The following SEZ6L variants were observed in gnomAD, a reference collection of about 807,000 sequenced individuals.
SEZ6L encodes seizure 6-like protein.
A neutral mutation model predicts 106.2 loss-of-function variants in SEZ6L; 37 were observed. The ratio of observed to expected loss-of-function variants is 0.35; its 90% CI spans 0.27 to 0.46. SEZ6L has a LOEUF of 0.46. Ranked by LOEUF, SEZ6L falls within the 20% of genes least tolerant of loss-of-function variation. The probability of loss-of-function intolerance (pLI) is 1.00; values close to 1 mark genes in which losing one functional copy is unlikely to be tolerated. For synonymous variants in SEZ6L, 541 were observed against 570.4 expected (o/e 0.95, Z 0.73); for missense variants, 1,172 against 1,332.8 (o/e 0.88, Z 1.88).
intron 12 of SEZ6L, among the ~76,000 whole-genome samples, chr22:26,354,342 A>T (rs1489290156): frequency 6.6e-6 from 1 of 152,124 alleles, no homozygotes; most frequent in Non-Finnish European, 1.5e-5. Flanking sequence ...TGACAGAGGG[A>T]GAGATTAGAG....
chr22:26,298,869 G>A, intron 4 of SEZ6L, 115 bp from the exon 5 acceptor site: 1 of 891,542 alleles, frequency 1.1e-6, no homozygotes, highest in Non-Finnish European at 1.6e-6. Flanking sequence ...GAGCTCTGGA[G>A]TCCCCAGGGG....
chr22:26,195,789 G>GTATA (rs144860970), intron 1 of SEZ6L, among the ~76,000 whole-genome samples: 5 of 149,390 alleles, frequency 3.3e-5, no homozygotes, highest in African/African-American at 1.2e-4. Context: ...TATAGTGTGT[G>GTATA]TATATATATA....
intron 1 of SEZ6L, among the ~76,000 whole-genome samples, chr22:26,253,388 T>C (rs1331128552): frequency 1.3e-5 from 2 of 152,142 alleles, no homozygotes; most frequent in African/African-American, 4.8e-5. Context: ...TGATATTTAG[T>C]TGGTTTTTTT....
At chr22:26,284,182 C>T (rs879088537) in intron 1 of SEZ6L, among the ~76,000 whole-genome samples, 9 of 152,208 alleles carry the variant, frequency 5.9e-5, no homozygotes, top group South Asian at 4.1e-4. Flanking sequence ...AGTGTCTTAC[C>T]GGCAGTAACA....
In SEZ6L at chr22:26,292,869, G is replaced by A; in HGVS notation, c.558G>A (p.Leu186=). 6.2e-7 allele frequency: 1 copy of A among 1,614,162 alleles called. No homozygotes were observed. The highest frequency in any genetic ancestry group is 1.1e-5 in the South Asian group (1 of 91,084). Reference sequence around the variant, plus strand: ...AGGCATCAGAAGTGCCCCTTTGGCTGGACCGAAAGGAGAGTGCGGTCCCTA... The same window carrying A: ...AGGCATCAGAAGTGCCCCTTTGGCTAGACCGAAAGGAGAGTGCGGTCCCTA... ...SEEASEVPLW[L]DRKESAVPTT... The change falls in exon 2 of 17, where the codon CTG becomes CTA. Residue 186 remains leucine (L), a synonymous_variant. Transcript: ENST00000248933.
At chr22:26,233,101 T>C (rs754003679) in intron 1 of SEZ6L, among the ~76,000 whole-genome samples, 2 of 152,270 alleles carry the variant, frequency 1.3e-5, no homozygotes, top group Non-Finnish European at 2.9e-5. Context: ...AGTAATAGAT[T>C]TAAACAAAGT....
intron 5 of SEZ6L, 102 bp from the exon 6 acceptor site, chr22:26,305,877 C>A: frequency 2.4e-6 from 3 of 1,246,480 alleles, no homozygotes; most frequent in Non-Finnish European, 3.3e-6. Flanking sequence ...GAGAATGAAA[C>A]ACTCACTTCC....
intron 1 of SEZ6L, among the ~76,000 whole-genome samples, chr22:26,264,779 T>G (rs2080123568): frequency 6.6e-6 from 1 of 152,220 alleles, no homozygotes; most frequent in Non-Finnish European, 1.5e-5. Context: ...GCCAGTGGGC[T>G]GTAGTTTGCC....
intron 10 of SEZ6L, 62 bp from the exon 11 acceptor site, chr22:26,347,656 TA>T: frequency 2.1e-6 from 3 of 1,423,180 alleles, no homozygotes; most frequent in South Asian, 1.3e-5. Flanking sequence ...CTAGCCGTCA[TA>T]AAAGGAGGCC....
intron 5 of SEZ6L, among the ~76,000 whole-genome samples, chr22:26,301,735 G>T (rs1272395253): frequency 6.6e-6 from 1 of 152,090 alleles, no homozygotes; most frequent in Non-Finnish European, 1.5e-5. Context: ...GGAAAATGGG[G>T]GGGAGAAGGG....
chr22:26,214,958 AT>A (rs2145710929), intron 1 of SEZ6L, among the ~76,000 whole-genome samples: 1 of 152,320 alleles, frequency 6.6e-6, no homozygotes, highest in Admixed American at 6.5e-5. Flanking sequence ...GCTCAATGTG[AT>A]TTAGTACGTA....
At position 26,292,995 on chromosome 22, in the gene SEZ6L, G is replaced by A. The variant is rs960704656; in HGVS notation, c.684G>A (p.Met228Ile). The A allele has an allele frequency of 5.6e-6, 9 of 1,613,878 alleles. No homozygotes were observed. The highest frequency in any genetic ancestry group is 6.8e-6 in the Non-Finnish European group (8 of 1,179,960). ...RPEPGEPGPD[M>I]AQEAPQEDTS... is the part of the protein sequence containing the mutation. ...AACCCGGGGAGCCTGGGCCTGACAT[G>A]GCCCAGGAGGCCCCCCAGGAGGACA... is the stretch of plus-strand genomic sequence containing the variant. The change falls in exon 2 of 17, where the codon ATG becomes ATA. Residue 228 changes from methionine to isoleucine, a missense_variant. Around this residue, in one of 4 missense-constraint regions of SEZ6L, gnomAD observed 494 missense variants for 445.8 expected, o/e 1.11. Coordinates refer to ENST00000248933, the MANE Select transcript of SEZ6L (RefSeq NM_021115.5).
intron 1 of SEZ6L, among the ~76,000 whole-genome samples, chr22:26,275,380 A>T (rs2080509389): frequency 6.6e-6 from 1 of 152,192 alleles, no homozygotes; most frequent in African/African-American, 2.4e-5. Context: ...CTAAGCTAGG[A>T]TGTTCAGTAG....
At chr22:26,272,991 T>C (rs547632537) in intron 1 of SEZ6L, among the ~76,000 whole-genome samples, 3 of 152,178 alleles carry the variant, frequency 2.0e-5, no homozygotes, top group Non-Finnish European at 4.4e-5. Context: ...AATGAGACAA[T>C]GCATGTAAAA....
rs186215299 is a variant in SEZ6L, at chr22:26,320,194, A to G, written c.2015+6292A>G. On this transcript the variant is annotated intron_variant, in intron 9 of 16. Coordinates refer to ENST00000248933, the MANE Select transcript of SEZ6L (RefSeq NM_021115.5). The stretch of plus-strand genomic sequence containing the variant: ...AATCAGAATATCTAGCGGGAGGGGG[A>G]CTTCAAGGTCCCCCAATCCAGTGAT... Among the ~76,000 whole-genome samples, 7 of 152,154 alleles carry G rather than the reference A, an allele frequency of 4.6e-5. No homozygotes were observed. In the East Asian group the frequency reaches 1.4e-3, roughly 29 times the overall value.
chr22:26,296,500 T>C (rs2081304245), intron 3 of SEZ6L, among the ~76,000 whole-genome samples: 1 of 152,172 alleles, frequency 6.6e-6, no homozygotes, highest in South Asian at 2.1e-4. Context: ...TTCTCCCGGC[T>C]CCCTGGAGAT....
intron 13 of SEZ6L, among the ~76,000 whole-genome samples, chr22:26,370,108 C>T (rs532756163): frequency 4.6e-5 from 7 of 152,150 alleles, no homozygotes; most frequent in South Asian, 4.2e-4. Context: ...CCTTGGCCGG[C>T]GCGGTGGCTC....
intron 1 of SEZ6L, among the ~76,000 whole-genome samples, chr22:26,283,412 A>G (rs1026285266): frequency 5.3e-5 from 8 of 152,134 alleles, no homozygotes; most frequent in African/African-American, 1.7e-4. Flanking sequence ...TAAAGTGACT[A>G]TGTGTGTTCT....
chr22:26,357,453 C>T (rs904203704), intron 12 of SEZ6L, among the ~76,000 whole-genome samples: 4 of 152,134 alleles, frequency 2.6e-5, no homozygotes, highest in African/African-American at 9.7e-5. Context: ...CACAATGAAT[C>T]GTCAGCACCA....
Sources: gnomAD v4.1 joint callset for allele counts (sites outside exome capture counted in the v4.1 genomes callset) on GRCh38, gnomAD v4.1.1 for gene constraint, gnomAD v4.1.1 regional missense constraint, MANE v1.5 for transcripts, NCBI Gene and HGNC (gene_info 2026-07-23, HGNC 2026-07-21) for gene names.